Variants in AKAP19 observed in about 807,000 individuals in gnomAD.
AKAP19 encodes the protein small A-kinase anchoring protein.
At chr2:190,050,225 C>A in the AKAP19 span, among the ~76,000 whole-genome samples, 1 of 152,158 alleles carries the variant, frequency 6.6e-6, no homozygotes, top group African/African-American at 2.4e-5. Context: ...TCTGTGTTTG[C>A]CTTATTTGGA....
chr2:190,013,493 CTTTG>C, the AKAP19 span, among the ~76,000 whole-genome samples: 1 of 151,614 alleles, frequency 6.6e-6, no homozygotes, highest in African/African-American at 2.4e-5. Flanking sequence ...AGTCGTCTCT[CTTTG>C]TTTATTTGTA....
the AKAP19 span, among the ~76,000 whole-genome samples, chr2:190,183,433 A>C: frequency 2.6e-5 from 4 of 152,188 alleles, no homozygotes; most frequent in Non-Finnish European, 5.9e-5. Context: ...TCCCTGATCT[A>C]CCACAAAAGT....
At chr2:189,931,711 T>G in the AKAP19 span, among the ~76,000 whole-genome samples, 1 of 152,064 alleles carries the variant, frequency 6.6e-6, no homozygotes, top group East Asian at 1.9e-4. Flanking sequence ...CCTTGACTTT[T>G]GGGCTCAGGT....
the AKAP19 span, among the ~76,000 whole-genome samples, chr2:190,153,002 TCTC>T: frequency 2.0e-5 from 3 of 152,070 alleles, no homozygotes; most frequent in African/African-American, 7.2e-5. Context: ...TTCACGCCAT[TCTC>T]CTGCCTCGGC....
At chr2:190,067,479 T>A in the AKAP19 span, among the ~76,000 whole-genome samples, 1 of 152,324 alleles carries the variant, frequency 6.6e-6, no homozygotes, top group Admixed American at 6.5e-5. Flanking sequence ...ACATCAAACA[T>A]GGTAATTTTA....
At chr2:189,914,512 A>C in the AKAP19 span, among the ~76,000 whole-genome samples, 1 of 152,116 alleles carries the variant, frequency 6.6e-6, no homozygotes, top group African/African-American at 2.4e-5. Flanking sequence ...ATAGGAAATT[A>C]TGGCTATTTC....
the AKAP19 span, among the ~76,000 whole-genome samples, chr2:189,913,710 T>C: frequency 0.019 from 2,871 of 152,228 alleles, 100 homozygotes; most frequent in African/African-American, 0.065. Flanking sequence ...CAGTGTTACC[T>C]CATAATTTTG....
chr2:189,921,855 A>C, the AKAP19 span, among the ~76,000 whole-genome samples: 1 of 152,178 alleles, frequency 6.6e-6, no homozygotes, highest in African/African-American at 2.4e-5. Flanking sequence ...CATTAAACAG[A>C]TATTATGAAC....
chr2:190,113,001 C>T, the AKAP19 span, among the ~76,000 whole-genome samples: 665 of 152,038 alleles, frequency 4.4e-3, 11 homozygotes, highest in East Asian at 0.05. Context: ...GTTTCTTTCA[C>T]CTTGGGAAAT....
chr2:190,199,796 G>A, the AKAP19 span: 16 of 1,570,962 alleles, frequency 1.0e-5, no homozygotes, highest in African/African-American at 5.5e-5. Flanking sequence ...AAATTTCATT[G>A]TTTTCTAAAG....
At chr2:189,977,298 A>G in the AKAP19 span, among the ~76,000 whole-genome samples, 1 of 146,796 alleles carries the variant, frequency 6.8e-6, no homozygotes, top group African/African-American at 2.7e-5. Context: ...TAACATAGCC[A>G]CTCTCCTTGC....
the AKAP19 span, among the ~76,000 whole-genome samples, chr2:190,036,237 T>C: frequency 0.61 from 92,508 of 152,064 alleles, 32,589 homozygotes; most frequent in East Asian, 0.85. Context: ...GCCAGAGTTC[T>C]CTTGGATAGA....
chr2:190,013,441 G>T, the AKAP19 span, among the ~76,000 whole-genome samples: 2 of 151,806 alleles, frequency 1.3e-5, no homozygotes, highest in African/African-American at 2.4e-5. Flanking sequence ...TGTGATTTTA[G>T]TTATAATTTT....
chr2:189,888,553 T>C, the AKAP19 span, among the ~76,000 whole-genome samples: 4 of 152,202 alleles, frequency 2.6e-5, no homozygotes, highest in Non-Finnish European at 5.9e-5. Flanking sequence ...TTTCATGATA[T>C]TGATTCTTCC....
the AKAP19 span, among the ~76,000 whole-genome samples, chr2:190,009,281 A>G: frequency 9.2e-5 from 14 of 152,266 alleles, no homozygotes; most frequent in African/African-American, 3.4e-4. Flanking sequence ...TGTATAGGGA[A>G]TAGATTCCAG....
the AKAP19 span, among the ~76,000 whole-genome samples, chr2:190,183,961 T>A: frequency 6.6e-6 from 1 of 152,060 alleles, no homozygotes; most frequent in Non-Finnish European, 1.5e-5. Context: ...ATTTGAGAAT[T>A]TTAAAATGAG....
the AKAP19 span, among the ~76,000 whole-genome samples, chr2:189,919,249 A>G: frequency 5.3e-5 from 8 of 152,160 alleles, no homozygotes; most frequent in Admixed American, 6.6e-5. Context: ...GGGAAGGGAT[A>G]GATGGAGAAT....
the AKAP19 span, among the ~76,000 whole-genome samples, chr2:189,977,499 A>C: frequency 1.3e-5 from 2 of 152,220 alleles, no homozygotes; most frequent in African/African-American, 4.8e-5. Flanking sequence ...TTACAATTTC[A>C]AATATTGAAT....
At chr2:189,923,905 A>T in the AKAP19 span, 1 of 1,611,452 alleles carries the variant, frequency 6.2e-7, no homozygotes, top group South Asian at 1.1e-5. Flanking sequence ...TGACCCAGAT[A>T]AAACAAAAAG....
Sources: gnomAD v4.1 joint callset for allele counts (sites outside exome capture counted in the v4.1 genomes callset) on GRCh38, gnomAD v4.1.1 for gene constraint, MANE v1.5 for transcripts, NCBI Gene and HGNC (gene_info 2026-07-23, HGNC 2026-07-21) for gene names.